GUCY2C: variants seen among roughly 807,000 people sequenced by gnomAD.
GUCY2C encodes guanylyl cyclase C.
A neutral mutation model predicts 131.1 loss-of-function variants in GUCY2C; 118 were observed. The ratio of observed to expected loss-of-function variants is 0.90; its 90% CI spans 0.78 to 1.05. GUCY2C has a LOEUF of 1.05. Among genes scored for constraint, GUCY2C ranks in the 50% least tolerant of loss-of-function variants. The pLI, the probability that GUCY2C is intolerant of heterozygous loss-of-function variation, is 0.00. For missense variants in GUCY2C, 1,161 were observed against 1,304.4 expected (o/e 0.89, Z 1.69); for synonymous variants, 452 against 457.8 (o/e 0.99, Z 0.16).
chr12:14,656,953 T>C (rs1432487182), intron 11 of GUCY2C, among the ~76,000 whole-genome samples: 1 of 152,004 alleles, frequency 6.6e-6, no homozygotes, highest in East Asian at 1.9e-4. Flanking sequence ...TCATAAGGAG[T>C]GTGCAACATA....
chr12:14,622,326 G>A lies in GUCY2C; in HGVS notation c.2409-129C>T, dbSNP rs11836172. 8,156 of 585,934 alleles carry A rather than the reference G, an allele frequency of 0.014. 133 individuals are homozygous for A. Among genetic ancestry groups the A allele is most frequent in the African/African-American group, 0.065 (3,425 of 52,580 alleles). The allele number at this position is 585,934 out of a possible 1,614,324, so 36.3% of individuals were successfully genotyped here. ...ATTTGAGACTTCCAGTGAATTGAGT[G>A]AATCGGAAACAGAGGTTGTGTATAT... On this transcript the variant is annotated intron_variant, in intron 21 of 26. Coordinates refer to ENST00000261170, the MANE Select transcript of GUCY2C (RefSeq NM_004963.4).
At chr12:14,681,640 G>T (rs1203949078) in intron 4 of GUCY2C, among the ~76,000 whole-genome samples, 163 bp from the exon 5 acceptor site, 1 of 152,138 alleles carries the variant, frequency 6.6e-6, no homozygotes, top group Non-Finnish European at 1.5e-5. Context: ...AGTTTAGATT[G>T]TAAGATCTAA....
intron 9 of GUCY2C, among the ~76,000 whole-genome samples, chr12:14,671,872 T>G (rs1948119227): frequency 6.6e-6 from 1 of 152,172 alleles, no homozygotes; most frequent in Non-Finnish European, 1.5e-5. Context: ...ATGCGAAACA[T>G]AACATTATAT....
intron 10 of GUCY2C, among the ~76,000 whole-genome samples, chr12:14,663,996 G>A (rs1947920107): frequency 6.6e-6 from 1 of 152,168 alleles, no homozygotes; most frequent in Admixed American, 6.5e-5. Flanking sequence ...ATGTCCTTCT[G>A]AAGTAGATGG....
At chr12:14,675,585 G>T (rs1477139726) in intron 7 of GUCY2C, among the ~76,000 whole-genome samples, 1 of 152,176 alleles carries the variant, frequency 6.6e-6, no homozygotes, top group East Asian at 1.9e-4. Flanking sequence ...AAATTGCTTT[G>T]AATAGAGTTC....
At chr12:14,661,393 C>T (rs1345180839) in intron 10 of GUCY2C, among the ~76,000 whole-genome samples, 1 of 152,022 alleles carries the variant, frequency 6.6e-6, no homozygotes, top group Non-Finnish European at 1.5e-5. Flanking sequence ...TACCTGGTGT[C>T]CTTGAAACCA....
At chr12:14,681,222 C>T (rs1173714957) in intron 5 of GUCY2C, 134 bp downstream of exon 5, 14 of 729,526 alleles carry the variant, frequency 1.9e-5, no homozygotes, top group Non-Finnish European at 2.7e-5. Context: ...AATTATAGAT[C>T]TCCCAAAATA....
intron 12 of GUCY2C, among the ~76,000 whole-genome samples, chr12:14,654,990 C>T (rs1343286662): frequency 1.3e-5 from 2 of 152,164 alleles, no homozygotes; most frequent in African/African-American, 4.8e-5. Flanking sequence ...TGGGTTTCAG[C>T]CAATCACAGG....
intron 21 of GUCY2C, among the ~76,000 whole-genome samples, chr12:14,625,327 ATTTTT>A (rs10574172): frequency 5.4e-5 from 7 of 129,972 alleles, no homozygotes; most frequent in African/African-American, 8.5e-5. Context: ...AAGTACATGC[ATTTTT>A]TTTTTTTTTT....
In GUCY2C at chr12:14,645,312, C is replaced by T. The variant is rs201686554; in HGVS notation, c.1714G>A (p.Val572Ile). The change falls in exon 16 of 27, where the codon GTT becomes ATT. Residue 572 changes from valine to isoleucine, a missense_variant. By Grantham distance (29) the Val-to-Ile change is conservative. Transcript: ENST00000261170. The part of the protein sequence containing the change: ...EYCERGSLRE[V>I]LNDTISYPDG... The stretch of plus-strand genomic sequence containing the variant: ...GGGTAGGAAATTGTGTCATTTAAAA[C>T]TTCCTGAATAGGAAAAAAGAAGAAG... 1 of 1,526,974 alleles carries T rather than the reference C, an allele frequency of 6.5e-7. No individual in the cohort carries two copies. The highest frequency in any genetic ancestry group is 1.7e-5 in the Admixed American group (1 of 59,154). 94.6% of individuals were successfully genotyped at this position (1,526,974 alleles called of 1,614,324 possible).
intron 19 of GUCY2C, among the ~76,000 whole-genome samples, chr12:14,634,950 G>A (rs1947231204): frequency 6.6e-6 from 1 of 152,134 alleles, no homozygotes; most frequent in Admixed American, 6.6e-5. Context: ...CAACATTGAA[G>A]CATACAGACA....
chr12:14,695,781 A>G (rs1948645309), intron 1 of GUCY2C, among the ~76,000 whole-genome samples: 1 of 152,056 alleles, frequency 6.6e-6, no homozygotes, highest in African/African-American at 2.4e-5. Context: ...AGAAGGAAAC[A>G]TAATGCCTTC....
intron 3 of GUCY2C, among the ~76,000 whole-genome samples, chr12:14,683,775 G>A (rs1289588227): frequency 1.3e-5 from 2 of 152,072 alleles, no homozygotes; most frequent in East Asian, 3.8e-4. Context: ...GGTTTTAGTG[G>A]GCTTCCTGCT....
rs111349839 is a variant in GUCY2C at position 14,614,365 on chromosome 12, ATAAGT to A, written c.3047+497_3047+501del. Among the ~76,000 whole-genome samples, 524 of 152,302 alleles carry A rather than the reference ATAAGT, an allele frequency of 3.4e-3. 4 individuals carry two copies. Among genetic ancestry groups the A allele is most frequent in the African/African-American group, 0.012 (494 of 41,590 alleles). ...ATATAGTATATTTTCTGCATAAACT[ATAAGT>A]TAAGTATACTTTAATGCAGATAAGG... On this transcript the variant is annotated intron_variant, in intron 26 of 26. Transcript: ENST00000261170.
chr12:14,618,286 G>T (rs1230109175), intron 24 of GUCY2C, among the ~76,000 whole-genome samples: 2 of 152,168 alleles, frequency 1.3e-5, no homozygotes, highest in African/African-American at 4.8e-5. Flanking sequence ...ACCAAGGCAG[G>T]AGACTTGCTT....
chr12:14,665,027 C>A (rs1370370726), intron 10 of GUCY2C, among the ~76,000 whole-genome samples: 2 of 151,974 alleles, frequency 1.3e-5, no homozygotes, highest in East Asian at 1.9e-4. Flanking sequence ...GCCTGGCCAA[C>A]ATGGTGAAAC....
At chr12:14,630,439 A>G (rs1299114672) in intron 19 of GUCY2C, among the ~76,000 whole-genome samples, 1 of 152,190 alleles carries the variant, frequency 6.6e-6, no homozygotes, top group East Asian at 1.9e-4. Flanking sequence ...CCAAATGGGA[A>G]TGGAAAATGT....
intron 14 of GUCY2C, 139 bp downstream of exon 14, chr12:14,651,820 G>T: frequency 3.4e-6 from 2 of 586,772 alleles, no homozygotes; most frequent in Non-Finnish European, 6.1e-6. Flanking sequence ...TCTCTTGGTA[G>T]AATTTTCAAC....
chr12:14,690,308 A>G (rs1200181356), intron 1 of GUCY2C, among the ~76,000 whole-genome samples: 1 of 152,240 alleles, frequency 6.6e-6, no homozygotes, highest in African/African-American at 2.4e-5. Flanking sequence ...GGCTACTCCC[A>G]AAGCCAAAGT....
Sources: allele counts gnomAD v4.1 joint callset (sites outside exome capture counted in the v4.1 genomes callset), GRCh38; gene constraint gnomAD v4.1.1; transcripts MANE v1.5; gene names NCBI Gene and HGNC (gene_info 2026-07-23, HGNC 2026-07-21).